ZMIZ1: variants seen among roughly 807,000 people sequenced by gnomAD.
The protein encoded by ZMIZ1 is zinc finger MIZ domain-containing protein 1.
Under a neutral mutation model 113.9 loss-of-function variants are expected in ZMIZ1, and 17 were observed. The observed-to-expected ratio is 0.15, with a 90% CI of 0.10 to 0.22. The LOEUF (loss-of-function observed/expected upper bound fraction) is 0.22, where lower values mean the gene tolerates loss of function less well. ZMIZ1 is among the 10% of genes least tolerant of loss of function. The pLI, the probability that ZMIZ1 is intolerant of heterozygous loss-of-function variation, is 1.00. For missense variants in ZMIZ1, 1,059 were observed against 1,477.8 expected, an observed-to-expected ratio of 0.72 and a Z score of 4.65; for synonymous variants, 607 against 603.1, an observed-to-expected ratio of 1.01 and a Z score of -0.09.
At chr10:79,203,904 C>T (rs1848207829) in intron 5 of ZMIZ1, among the ~76,000 whole-genome samples, 1 of 152,272 alleles carries the variant, frequency 6.6e-6, no homozygotes, top group African/African-American at 2.4e-5. Context: ...TGCGTGCACA[C>T]ACACAGAGGG....
Position 79,292,303 on chromosome 10 carries a change from A to G in ZMIZ1, c.904A>G (p.Thr302Ala). Residue 302 changes from threonine to alanine, a missense_variant, in exon 11 of 25, where the codon ACT (threonine) becomes GCT (alanine). By Grantham distance (58) the Thr-to-Ala change is moderately conservative. Transcript: ENST00000334512. ...CACAGCTACAGCCACAGCCACGGCC[A>G]CTGTGGCAGCCCTGCAGGAGACACA... ...AATATATATATVAALQETQNK... is the reference protein window; with the variant it reads ...AATATATATAAVAALQETQNK... 6.2e-7 allele frequency: 1 copy of G among 1,613,494 alleles called. No homozygotes were observed. Among genetic ancestry groups the G allele is most frequent in the Non-Finnish European group, 8.5e-7 (1 of 1,179,772 alleles).
intron 1 of ZMIZ1, among the ~76,000 whole-genome samples, chr10:79,071,161 C>A (rs576210865): frequency 9.3e-4 from 142 of 152,346 alleles, no homozygotes; most frequent in African/African-American, 3.3e-3. Context: ...GCCCCTGGCT[C>A]CGCGCCGGGT....
At chr10:79,150,196 C>T (rs952715268) in intron 3 of ZMIZ1, among the ~76,000 whole-genome samples, 1 of 152,208 alleles carries the variant, frequency 6.6e-6, no homozygotes, top group Non-Finnish European at 1.5e-5. Flanking sequence ...GTCACTAGGC[C>T]TCGGCGAGTG....
At chr10:79,305,488 C>T (rs1262549776) in intron 20 of ZMIZ1, 45 bp from the exon 21 acceptor site, 1 of 1,606,604 alleles carries the variant, frequency 6.2e-7, no homozygotes, top group Non-Finnish European at 8.5e-7. Flanking sequence ...CCCCTACCTC[C>T]TTGGGTCCTG....
intron 1 of ZMIZ1, among the ~76,000 whole-genome samples, chr10:79,077,473 G>T (rs1717564420): frequency 6.6e-6 from 1 of 151,974 alleles, no homozygotes; most frequent in African/African-American, 2.4e-5. Flanking sequence ...CTAAGAGTGG[G>T]GGGTTCTGTG....
intron 7 of ZMIZ1, among the ~76,000 whole-genome samples, chr10:79,223,426 A>C (rs1849070942): frequency 6.6e-6 from 1 of 152,208 alleles, no homozygotes; most frequent in African/African-American, 2.4e-5. Context: ...ATACAAGCTC[A>C]GCAAAGCTGG....
intron 1 of ZMIZ1, among the ~76,000 whole-genome samples, chr10:79,110,291 C>T (rs902691541): frequency 6.6e-6 from 1 of 152,214 alleles, no homozygotes; most frequent in Non-Finnish European, 1.5e-5. Flanking sequence ...AGCAGCTGCT[C>T]AAATCAGCGG....
At chr10:79,107,030 C>T (rs1285180927) in intron 1 of ZMIZ1, among the ~76,000 whole-genome samples, 2 of 152,254 alleles carry the variant, frequency 1.3e-5, no homozygotes, top group African/African-American at 4.8e-5. Context: ...CTCACTCTTC[C>T]ATTGCCTTTG....
chr10:79,152,558 G>A (rs1845753227), intron 3 of ZMIZ1, among the ~76,000 whole-genome samples: 2 of 152,236 alleles, frequency 1.3e-5, no homozygotes, highest in Admixed American at 6.5e-5. Context: ...TCAGATCTCC[G>A]GGGCGGGGCC....
intron 4 of ZMIZ1, among the ~76,000 whole-genome samples, chr10:79,166,002 G>GTGTGTGTGTGTGTGTGTGTGTGTGT (rs56386650): frequency 8.2e-4 from 11 of 13,466 alleles, no homozygotes; most frequent in African/African-American, 1.8e-3. Flanking sequence ...GTGTGTGTGT[G>GTGTGTGTGTGTGTGTGTGTGTGTGT]GGCTCTCCCT....
chr10:79,186,369 T>G (rs1847352907), intron 4 of ZMIZ1, among the ~76,000 whole-genome samples: 1 of 151,746 alleles, frequency 6.6e-6, no homozygotes, highest in Non-Finnish European at 1.5e-5. Context: ...CCCACCGGGG[T>G]TTTTCACCGG....
chr10:79,169,620 T>A (rs1184997104), intron 4 of ZMIZ1, among the ~76,000 whole-genome samples: 2 of 152,232 alleles, frequency 1.3e-5, no homozygotes, highest in African/African-American at 4.8e-5. Flanking sequence ...TCATGTAAAT[T>A]CAGTGTGATA....
intron 7 of ZMIZ1, among the ~76,000 whole-genome samples, chr10:79,260,349 G>C (rs1481143713): frequency 6.6e-6 from 1 of 152,208 alleles, no homozygotes; most frequent in Non-Finnish European, 1.5e-5. Context: ...GAACAATGAG[G>C]CAGGGGAGGA....
chr10:79,289,022 G>A (rs149834691), intron 8 of ZMIZ1, among the ~76,000 whole-genome samples: 3 of 152,318 alleles, frequency 2.0e-5, no homozygotes, highest in African/African-American at 7.2e-5. Flanking sequence ...CGGGGTGAGG[G>A]AATGGTGGGG....
chr10:79,314,272 C>G lies in ZMIZ1; in HGVS notation c.*1523C>G, dbSNP rs775059591. 2 of 456,754 alleles carry G rather than the reference C, an allele frequency of 4.4e-6. No individual in the cohort carries two copies. Among genetic ancestry groups the G allele is most frequent in the Admixed American group, 2.3e-5 (1 of 42,560 alleles). 28.3% of individuals were successfully genotyped at this position (456,754 alleles called of 1,614,324 possible). Reference sequence around the variant, plus strand: ...GGCCTAGGGTGATGCCAGGTTGTCCCGTCACTGGGGTCCCATCTGTAAATT... The same window carrying G: ...GGCCTAGGGTGATGCCAGGTTGTCCGGTCACTGGGGTCCCATCTGTAAATT... On this transcript the variant is annotated 3_prime_UTR_variant, in exon 25 of 25. Coordinates refer to ENST00000334512, the MANE Select transcript of ZMIZ1 (RefSeq NM_020338.4).
intron 4 of ZMIZ1, among the ~76,000 whole-genome samples, chr10:79,185,348 T>A (rs908704798): frequency 2.0e-5 from 3 of 152,240 alleles, no homozygotes; most frequent in Admixed American, 2.0e-4. Flanking sequence ...AAATGCAATC[T>A]GCCCCTGACC....
intron 8 of ZMIZ1, among the ~76,000 whole-genome samples, chr10:79,278,950 G>T (rs549194023): frequency 3.6e-4 from 55 of 152,342 alleles, no homozygotes; most frequent in Non-Finnish European, 5.7e-4. Flanking sequence ...TGAGCTGTTG[G>T]GTACACCTCC....
At chr10:79,242,222 C>A (rs777302515) in intron 7 of ZMIZ1, among the ~76,000 whole-genome samples, 4 of 152,092 alleles carry the variant, frequency 2.6e-5, no homozygotes, top group Non-Finnish European at 5.9e-5. Flanking sequence ...GACAGACTGG[C>A]TGGAAGGAAG....
intron 1 of ZMIZ1, among the ~76,000 whole-genome samples, chr10:79,095,530 A>G (rs1216326799): frequency 6.6e-6 from 1 of 152,162 alleles, no homozygotes; most frequent in Admixed American, 6.5e-5. Context: ...GGTGTCAGGC[A>G]GGTCTCTCCG....
Sources: gnomAD v4.1 joint callset for allele counts (sites outside exome capture counted in the v4.1 genomes callset) on GRCh38, gnomAD v4.1.1 for gene constraint, MANE v1.5 for transcripts, NCBI Gene and HGNC (gene_info 2026-07-23, HGNC 2026-07-21) for gene names.